CSTF3: variants seen among roughly 807,000 people sequenced by gnomAD.
CSTF3 encodes CF-1 77 kDa subunit.
In CSTF3, 29 loss-of-function variants were observed where a neutral mutation model predicts 105.8. That is an observed-to-expected ratio of 0.27 (90% CI 0.20 to 0.37). The LOEUF (loss-of-function observed/expected upper bound fraction) is 0.37. Among genes scored for constraint, CSTF3 ranks in the 10% least tolerant of loss-of-function variants. CSTF3 has a pLI of 1.00. For missense variants in CSTF3, 357 were observed against 879.3 expected (o/e 0.41, Z 7.51); for synonymous variants, 252 against 281.9 (o/e 0.89, Z 1.06).
At chr11:33,160,992 C>CT (rs1338851612) in intron 1 of CSTF3, among the ~76,000 whole-genome samples, 1 of 152,178 alleles carries the variant, frequency 6.6e-6, no homozygotes, top group African/African-American at 2.4e-5. Context: ...CCTATCCACT[C>CT]TAATACCAAA....
intron 1 of CSTF3, among the ~76,000 whole-genome samples, chr11:33,156,349 T>C (rs771427296): frequency 1.4e-4 from 21 of 152,186 alleles, no homozygotes; most frequent in African/African-American, 2.4e-4. Context: ...TTGACTAAAA[T>C]TGGCGATACT....
At chr11:33,105,000 C>T (rs1032795929) in intron 8 of CSTF3, among the ~76,000 whole-genome samples, 16 of 152,284 alleles carry the variant, frequency 1.1e-4, no homozygotes, top group South Asian at 2.1e-4. Context: ...CCTTCCATCT[C>T]GGCCTCCCAA....
chr11:33,112,964 T>C (rs1278543455), intron 3 of CSTF3, among the ~76,000 whole-genome samples: 1 of 152,030 alleles, frequency 6.6e-6, no homozygotes, highest in Non-Finnish European at 1.5e-5. Flanking sequence ...TCCCAGTGCT[T>C]TGGGAGGCCT....
chr11:33,130,901 C>T (rs1855591902), intron 3 of CSTF3, among the ~76,000 whole-genome samples: 1 of 152,256 alleles, frequency 6.6e-6, no homozygotes, highest in Middle Eastern at 3.4e-3. Flanking sequence ...TGGTGGTATG[C>T]ACCTGTATTC....
intron 3 of CSTF3, among the ~76,000 whole-genome samples, chr11:33,127,406 AT>A (rs1285807090): frequency 2.6e-5 from 4 of 152,226 alleles, no homozygotes; most frequent in Non-Finnish European, 5.9e-5. Flanking sequence ...TCAAAGTTCC[AT>A]TATAATCCTC....
At chr11:33,125,538 A>C (rs1210517897) in intron 3 of CSTF3, among the ~76,000 whole-genome samples, 1 of 152,194 alleles carries the variant, frequency 6.6e-6, no homozygotes, top group Non-Finnish European at 1.5e-5. Context: ...TATTCACACA[A>C]ATCCACATAA....
chr11:33,107,703 G>A (rs112277474), intron 5 of CSTF3, among the ~76,000 whole-genome samples, 200 bp downstream of exon 5: 4 of 152,310 alleles, frequency 2.6e-5, no homozygotes, highest in African/African-American at 7.2e-5. Context: ...GGGCTTGGGC[G>A]ATTCAATTCT....
At chr11:33,119,185 C>G (rs975940264) in intron 3 of CSTF3, among the ~76,000 whole-genome samples, 1 of 151,732 alleles carries the variant, frequency 6.6e-6, no homozygotes, top group East Asian at 1.9e-4. Flanking sequence ...AAAATATTAG[C>G]AATTGTATTA....
Position 33,085,972 on chromosome 11 carries a change from C to G in CSTF3, c.1813G>C (p.Val605Leu). 1.3e-6 allele frequency: 2 copies of G among 1,517,102 alleles called. No homozygotes were observed. The highest frequency in any genetic ancestry group is 2.3e-5 in the East Asian group (1 of 43,928). The allele number at this position is 1,517,102 out of a possible 1,614,324, so 94.0% of individuals were successfully genotyped here. Residue 605 changes from valine (V) to leucine (L), a missense_variant, in exon 19 of 21, where the codon GTA (valine) becomes CTA (leucine). This residue lies in a region of CSTF3 where 206 missense variants were observed against 576.5 expected (regional missense o/e 0.36). Transcript: ENST00000323959. The part of the protein sequence containing the change: ...RHLAPPGLHP[V>L]PGGVFPVPPA... ...GGGACTGGGAACACTCCACCAGGTA[C>G]AGGGTGTAAACCTGGAGCTGTGAGA...
At chr11:33,093,520 A>G (rs1855188989) in intron 15 of CSTF3, among the ~76,000 whole-genome samples, 1 of 152,232 alleles carries the variant, frequency 6.6e-6, no homozygotes, top group South Asian at 2.1e-4. Context: ...CCACATATGG[A>G]ATTTAATAAA....
intron 3 of CSTF3, among the ~76,000 whole-genome samples, chr11:33,117,835 T>C (rs1326359543): frequency 6.6e-6 from 1 of 151,916 alleles, no homozygotes; most frequent in African/African-American, 2.4e-5. Context: ...AGCAATGATG[T>C]ATAATACTGA....
intron 3 of CSTF3, among the ~76,000 whole-genome samples, chr11:33,135,160 C>T (rs898847933): frequency 6.6e-6 from 1 of 152,104 alleles, no homozygotes; most frequent in Non-Finnish European, 1.5e-5. Flanking sequence ...AATCAGTTTT[C>T]AAACCCAGGA....
intron 1 of CSTF3, among the ~76,000 whole-genome samples, chr11:33,150,949 C>T (rs966330606): frequency 2.0e-5 from 3 of 151,966 alleles, no homozygotes; most frequent in Non-Finnish European, 4.4e-5. Flanking sequence ...ACATGATTCA[C>T]ATACATACAA....
At chr11:33,124,325 G>C (rs1386160562) in intron 3 of CSTF3, among the ~76,000 whole-genome samples, 1 of 151,958 alleles carries the variant, frequency 6.6e-6, no homozygotes, top group Non-Finnish European at 1.5e-5. Flanking sequence ...CGTAACTCAA[G>C]ATTATTAAAA....
chr11:33,096,700 T>TAC, intron 14 of CSTF3, 135 bp downstream of exon 14: 1 of 805,906 alleles, frequency 1.2e-6, no homozygotes, highest in Non-Finnish European at 1.9e-6. Context: ...CATAAAATTT[T>TAC]ACACAGATAC....
At position 33,084,844 on chromosome 11, in the gene CSTF3, C is replaced by T. The variant is rs1487842662; in HGVS notation, c.*243G>A. ...CTTGAAGAGGGAACAAAATGTGGTT[C>T]TGCCACTTTGTACTGTTCTCACATT... On this transcript the variant is annotated 3_prime_UTR_variant, in exon 21 of 21. Coordinates refer to ENST00000323959, the MANE Select transcript of CSTF3 (RefSeq NM_001326.3). 8 of 510,310 alleles carry T rather than the reference C, an allele frequency of 1.6e-5. No homozygotes were observed. In the East Asian group the frequency reaches 2.0e-4, roughly 13 times the overall value. 31.6% of individuals were successfully genotyped at this position (510,310 alleles called of 1,614,324 possible).
At position 33,099,052 on chromosome 11, in the gene CSTF3, T is replaced by C. The variant is rs761843158; in HGVS notation, c.1035A>G (p.Ala345=). ...TACTTACCTCTTCATAATCTGCATA[T>C]GCAAAATAAAGAAGCATATTCTTCT... ...LLKKNMLLYF[A]YADYEESRMK... Residue 345 remains alanine, a synonymous_variant, in exon 12 of 21, where the codon GCA becomes GCG. Transcript: ENST00000323959. The surrounding 1 kb of genome is among the most constrained non-coding windows in gnomAD (Gnocchi z 4.1). 1 of 1,573,690 alleles carries C rather than the reference T, an allele frequency of 6.4e-7. No individual in the cohort carries two copies. Among genetic ancestry groups the C allele is most frequent in the Non-Finnish European group, 8.5e-7 (1 of 1,171,166 alleles).
At position 33,099,239 on chromosome 11, in the gene CSTF3, A is replaced by G; in HGVS notation, c.937-89T>C. On this transcript the variant is annotated intron_variant, in intron 11 of 20. Coordinates refer to ENST00000323959, the MANE Select transcript of CSTF3 (RefSeq NM_001326.3). The surrounding 1 kb of genome is among the most constrained non-coding windows in gnomAD (Gnocchi z 4.1). Reference sequence around the variant, plus strand: ...AATAAAGTTACATCTACTTTATTTTATTTATGTGTCTAAGAAAGCATACAT... The same window carrying G: ...AATAAAGTTACATCTACTTTATTTTGTTTATGTGTCTAAGAAAGCATACAT... 3 of 1,448,718 alleles carry G rather than the reference A, an allele frequency of 2.1e-6. No individual in the cohort carries two copies. Among genetic ancestry groups the G allele is most frequent in the Non-Finnish European group, 2.8e-6 (3 of 1,076,588 alleles). 89.7% of individuals were successfully genotyped at this position (1,448,718 alleles called of 1,614,324 possible).
intron 3 of CSTF3, among the ~76,000 whole-genome samples, chr11:33,137,647 T>A (rs183389518): frequency 2.0e-5 from 3 of 151,944 alleles, no homozygotes; most frequent in Middle Eastern, 3.4e-3. Flanking sequence ...TATATATGCA[T>A]CTAAGAAACT....
Sources: allele counts gnomAD v4.1 joint callset (sites outside exome capture counted in the v4.1 genomes callset), GRCh38; gene constraint gnomAD v4.1.1; regional missense constraint gnomAD v4.1.1; non-coding constraint Gnocchi (gnomAD v3.1); transcripts MANE v1.5; gene names NCBI Gene and HGNC (gene_info 2026-07-23, HGNC 2026-07-21).